CAPN5: variants seen among roughly 807,000 people sequenced by gnomAD.
CAPN5 encodes the protein calpain-5.
A neutral mutation model predicts 73.0 loss-of-function variants in CAPN5; 54 were observed. That is an observed-to-expected ratio of 0.74 (90% CI 0.59 to 0.93). CAPN5 has a LOEUF of 0.93. Among genes scored for constraint, CAPN5 ranks in the 40% least tolerant of loss-of-function variants. The pLI, the probability that CAPN5 is intolerant of heterozygous loss-of-function variation, is 0.00. For missense variants in CAPN5, 785 were observed against 882.9 expected, an observed-to-expected ratio of 0.89 and a Z score of 1.41; for synonymous variants, 335 against 356.9, an observed-to-expected ratio of 0.94 and a Z score of 0.69.
chr11:77,094,782 T>C (rs1196208047), intron 3 of CAPN5, among the ~76,000 whole-genome samples: 2 of 152,234 alleles, frequency 1.3e-5, no homozygotes, highest in Non-Finnish European at 2.9e-5. Context: ...TAGGACCAGA[T>C]GCTGCACTCA....
intron 3 of CAPN5, among the ~76,000 whole-genome samples, chr11:77,112,014 G>C (rs1017757770): frequency 6.6e-6 from 1 of 152,128 alleles, no homozygotes; most frequent in Non-Finnish European, 1.5e-5. Context: ...TATTTTCTAG[G>C]GAAGTGACAG....
At chr11:77,123,202 A>C (rs2135491810) in intron 12 of CAPN5, among the ~76,000 whole-genome samples, 1 of 152,320 alleles carries the variant, frequency 6.6e-6, no homozygotes, top group Non-Finnish European at 1.5e-5. Context: ...TCTGGCCCCC[A>C]GGCCTTGATC....
chr11:77,113,226 C>A (rs1950429955), intron 4 of CAPN5, among the ~76,000 whole-genome samples: 1 of 152,256 alleles, frequency 6.6e-6, no homozygotes, highest in Admixed American at 6.5e-5. Flanking sequence ...GGGCCTCCCT[C>A]TTGTCCACCA....
chr11:77,107,533 G>A (rs1239383444), intron 3 of CAPN5, among the ~76,000 whole-genome samples: 1 of 152,072 alleles, frequency 6.6e-6, no homozygotes, highest in Non-Finnish European at 1.5e-5. Flanking sequence ...TCGCACAGCT[G>A]GGCAGAGAGT....
chr11:77,099,116 C>T (rs1950252472), intron 3 of CAPN5, among the ~76,000 whole-genome samples: 2 of 30,074 alleles, frequency 6.7e-5, no homozygotes, highest in Non-Finnish European at 1.3e-4. Flanking sequence ...AGGCGCTCCC[C>T]ACATCTCAGA....
At chr11:77,099,556 C>T (rs1383845262) in intron 3 of CAPN5, among the ~76,000 whole-genome samples, 21 of 151,850 alleles carry the variant, frequency 1.4e-4, no homozygotes, top group Admixed American at 5.2e-4. Context: ...AGCGAAACCC[C>T]GTCTCCACCA....
intron 3 of CAPN5, among the ~76,000 whole-genome samples, chr11:77,098,777 G>A (rs1163559459): frequency 5.9e-4 from 50 of 85,306 alleles, no homozygotes; most frequent in African/African-American, 2.7e-3. Context: ...CGGGCGGGGG[G>A]GCTGACCCCC....
At chr11:77,118,753 G>T (rs138613613) in intron 8 of CAPN5, among the ~76,000 whole-genome samples, 166 of 152,356 alleles carry the variant, frequency 1.1e-3, no homozygotes, top group African/African-American at 3.8e-3. Context: ...CTGACCCGTG[G>T]CGCTGCTTAG....
chr11:77,090,765 G>T (rs566173495), intron 2 of CAPN5, among the ~76,000 whole-genome samples: 1 of 152,164 alleles, frequency 6.6e-6, no homozygotes, highest in South Asian at 2.1e-4. Flanking sequence ...TCCCTTCCCG[G>T]TCTTGCCTGC....
At chr11:77,093,601 CTGTGTCTGTCATG>C in intron 2 of CAPN5, 68 bp from the exon 3 acceptor site, 1 of 1,424,976 alleles carries the variant, frequency 7.0e-7, no homozygotes, top group Non-Finnish European at 9.4e-7. Flanking sequence ...TCTGTCACGT[CTGTGTCTGTCATG>C]TCTCCTGCCA....
chr11:77,121,994 G>T lies in CAPN5; in HGVS notation c.1548G>T (p.Gln516His). 5 of 1,563,632 alleles carry T rather than the reference G, an allele frequency of 3.2e-6. No homozygotes were observed. The highest frequency in any genetic ancestry group is 4.3e-6 in the Non-Finnish European group (5 of 1,153,598). Residue 516 changes from glutamine (Q) to histidine (H), a missense_variant, in exon 11 of 13, where the codon CAG becomes CAT. Gln to His is a conservative substitution (Grantham distance 24). Coordinates refer to ENST00000648180, the MANE Select transcript of CAPN5 (RefSeq NM_004055.5). The part of the protein sequence containing the change: ...TCWSSLCGYP[Q>H]LVTQVHVLGA... ...GGAGCTCCCTCTGTGGCTACCCCCA[G>T]CTGGTGACCCAGGTACATGTCCTGG...
At chr11:77,084,757 G>A (rs1450566968) in intron 1 of CAPN5, 95 bp from the exon 2 acceptor site, 19 of 1,126,850 alleles carry the variant, frequency 1.7e-5, no homozygotes, top group Admixed American at 3.9e-5. Context: ...TGAGCCTTCC[G>A]TGCCTGTGCC....
chr11:77,074,897 A>G (rs1949952102), intron 1 of CAPN5, among the ~76,000 whole-genome samples: 2 of 152,196 alleles, frequency 1.3e-5, no homozygotes, highest in Non-Finnish European at 2.9e-5. Flanking sequence ...GCCACCAGGA[A>G]GAGCTGAGGC....
At chr11:77,100,233 G>C (rs1360238175) in intron 3 of CAPN5, among the ~76,000 whole-genome samples, 2 of 152,066 alleles carry the variant, frequency 1.3e-5, no homozygotes, top group African/African-American at 4.8e-5. Flanking sequence ...GCCTTGGGTG[G>C]GTCCTCCCAA....
chr11:77,120,615 T>G (rs1335743752), intron 9 of CAPN5, 98 bp from the exon 10 acceptor site: 2 of 736,958 alleles, frequency 2.7e-6, no homozygotes, highest in African/African-American at 3.5e-5. Context: ...TATAAAGGGA[T>G]TCCATCGTCC....
At chr11:77,117,404 G>C (rs1435660838) in intron 7 of CAPN5, among the ~76,000 whole-genome samples, 8 of 152,148 alleles carry the variant, frequency 5.3e-5, no homozygotes, top group Non-Finnish European at 1.2e-4. Flanking sequence ...GCTGGATTCT[G>C]TCAGGGCCCC....
At position 77,122,724 on chromosome 11, in the gene CAPN5, G is replaced by A. The variant is rs2135490927; in HGVS notation, c.1740+12G>A. 6.2e-7 allele frequency: 1 copy of A among 1,612,602 alleles called. No individual in the cohort carries two copies. Among genetic ancestry groups the A allele is most frequent in the Non-Finnish European group, 8.5e-7 (1 of 1,179,680 alleles). ...CCATCACTGTACAGGTGAGCCCCCT[G>A]GTCCAGAGGCCACCTCCTGGGCTCC... On this transcript the variant is annotated intron_variant, in intron 12 of 12. Coordinates refer to ENST00000648180, the MANE Select transcript of CAPN5 (RefSeq NM_004055.5).
chr11:77,122,669 G>A lies in CAPN5; in HGVS notation c.1697G>A (p.Gly566Asp), dbSNP rs1341592454. Residue 566 changes from glycine (G) to aspartate (D), a missense_variant, in exon 12 of 13, where the codon GGC becomes GAC. By Grantham distance (94) the Gly-to-Asp change is moderately conservative (BLOSUM62 -1). Transcript: ENST00000648180. ...TCCACACCAGAGTACAATGTGAAAG[G>A]CATCTTCTACCGCAAGAAGCTGAGC... ...GTSTPEYNVK[G>D]IFYRKKLSQP... The A allele has an allele frequency of 1.9e-6, 3 of 1,613,822 alleles. No homozygotes were observed. Among genetic ancestry groups the A allele is most frequent in the African/African-American group, 2.7e-5 (2 of 74,902 alleles).
At chr11:77,067,797 G>C (rs1555032394) in intron 1 of CAPN5, among the ~76,000 whole-genome samples, 1 of 151,946 alleles carries the variant, frequency 6.6e-6, no homozygotes, top group South Asian at 2.1e-4. Flanking sequence ...AGGCGAAATA[G>C]GACAAAAGAT....
Sources: allele counts gnomAD v4.1 joint callset (sites outside exome capture counted in the v4.1 genomes callset), GRCh38; gene constraint gnomAD v4.1.1; transcripts MANE v1.5; gene names NCBI Gene and HGNC (gene_info 2026-07-23, HGNC 2026-07-21).